PPP1R12A: variants seen among roughly 807,000 people sequenced by gnomAD.
PPP1R12A encodes myosin binding subunit.
A neutral mutation model predicts 139.6 loss-of-function variants in PPP1R12A; 19 were observed. The observed-to-expected ratio is 0.14, with a 90% CI of 0.09 to 0.20. The LOEUF is 0.20. Among genes scored for constraint, PPP1R12A ranks in the 10% least tolerant of loss-of-function variants. The pLI, the probability that PPP1R12A is intolerant of heterozygous loss-of-function variation, is 1.00. For synonymous variants in PPP1R12A, 427 were observed against 420.6 expected (o/e 1.02, Z -0.19); for missense variants, 925 against 1,211.5 (o/e 0.76, Z 3.51).
intron 14 of PPP1R12A, among the ~76,000 whole-genome samples, chr12:79,803,688 A>C (rs972866304): frequency 6.6e-6 from 1 of 152,186 alleles, no homozygotes; most frequent in Non-Finnish European, 1.5e-5. Flanking sequence ...AAACACAAAC[A>C]ATATCACTGC....
chr12:79,858,628 G>A (rs1460140227), intron 2 of PPP1R12A, among the ~76,000 whole-genome samples: 3 of 152,146 alleles, frequency 2.0e-5, no homozygotes, highest in South Asian at 4.1e-4. Context: ...CTGGGGGGAG[G>A]TGAGGTTCAA....
At chr12:79,865,343 C>A (rs1334606758) in intron 2 of PPP1R12A, among the ~76,000 whole-genome samples, 1 of 152,116 alleles carries the variant, frequency 6.6e-6, no homozygotes, top group Non-Finnish European at 1.5e-5. Flanking sequence ...CTATTTATGA[C>A]AAACCCACAG....
chr12:79,815,374 TAGTC>T (rs1439990999), intron 9 of PPP1R12A, among the ~76,000 whole-genome samples: 4 of 151,830 alleles, frequency 2.6e-5, no homozygotes, highest in Non-Finnish European at 5.9e-5. Flanking sequence ...AAAATATAAT[TAGTC>T]AGGTGTGGTG....
At chr12:79,830,018 G>T (rs1592680990) in intron 4 of PPP1R12A, among the ~76,000 whole-genome samples, 1 of 151,802 alleles carries the variant, frequency 6.6e-6, no homozygotes, top group Non-Finnish European at 1.5e-5. Flanking sequence ...GAGAAAATGT[G>T]AAGAAGGTTA....
chr12:79,805,431 G>A (rs998188818), intron 14 of PPP1R12A, among the ~76,000 whole-genome samples, 161 bp downstream of exon 14: 3 of 152,210 alleles, frequency 2.0e-5, no homozygotes, highest in South Asian at 4.1e-4. Flanking sequence ...ATAAATAATT[G>A]CTAGTTGTAT....
In PPP1R12A at chr12:79,934,866, C is replaced by A. The variant is rs1174014314; in HGVS notation, c.66G>T (p.Thr22=). 1 of 1,611,300 alleles carries A rather than the reference C, an allele frequency of 6.2e-7. No homozygotes were observed. The highest frequency in any genetic ancestry group is 2.2e-5 in the East Asian group (1 of 44,760). Reference sequence around the variant, plus strand: ...GCTTCACCACCGGAGGCTCGAGGTCCGTCTCGGAGCCGATCCAGCGTTTCA... The same window carrying A: ...GCTTCACCACCGGAGGCTCGAGGTCAGTCTCGGAGCCGATCCAGCGTTTCA... ...EQLKRWIGSE[T]DLEPPVVKRQ... The change falls in exon 1 of 25, where the codon ACG becomes ACT. Residue 22 remains threonine, a synonymous_variant. Transcript: ENST00000450142.
chr12:79,792,045 A>T (rs966363247), intron 19 of PPP1R12A, among the ~76,000 whole-genome samples: 2 of 152,158 alleles, frequency 1.3e-5, no homozygotes, highest in Admixed American at 6.5e-5. Flanking sequence ...CTTTCTGACT[A>T]TGGTATTGTA....
At chr12:79,909,675 A>C (rs562001052) in intron 1 of PPP1R12A, among the ~76,000 whole-genome samples, 2 of 151,238 alleles carry the variant, frequency 1.3e-5, no homozygotes, top group African/African-American at 4.9e-5. Flanking sequence ...TGGAGGCTGC[A>C]CTGAGCCGAG....
chr12:79,776,336 A>G (rs1451405911), intron 24 of PPP1R12A, among the ~76,000 whole-genome samples: 1 of 152,134 alleles, frequency 6.6e-6, no homozygotes, highest in Non-Finnish European at 1.5e-5. Flanking sequence ...TTGTTAGGAT[A>G]GGCTCTTAAA....
At chr12:79,880,701 A>G (rs1396718653) in intron 1 of PPP1R12A, among the ~76,000 whole-genome samples, 3 of 152,202 alleles carry the variant, frequency 2.0e-5, no homozygotes, top group African/African-American at 4.8e-5. Context: ...CACAGAAGCA[A>G]TAAGAAGAGG....
intron 1 of PPP1R12A, among the ~76,000 whole-genome samples, chr12:79,926,480 C>A (rs978058620): frequency 3.9e-5 from 6 of 152,200 alleles, no homozygotes; most frequent in African/African-American, 1.4e-4. Context: ...CGTGAGCCAC[C>A]ATACCCAGCC....
At chr12:79,812,717 T>G (rs902255920) in intron 9 of PPP1R12A, among the ~76,000 whole-genome samples, 1 of 152,078 alleles carries the variant, frequency 6.6e-6, no homozygotes, top group African/African-American at 2.4e-5. Flanking sequence ...GAACTATAAC[T>G]GAAAACTTGA....
At chr12:79,888,837 A>G (rs993775680) in intron 1 of PPP1R12A, among the ~76,000 whole-genome samples, 9 of 152,168 alleles carry the variant, frequency 5.9e-5, no homozygotes, top group Non-Finnish European at 1.3e-4. Context: ...TGTACCCCTA[A>G]CCAATAGGCT....
At chr12:79,793,700 T>G (rs1872164004) in intron 19 of PPP1R12A, 163 bp downstream of exon 19, 1 of 545,000 alleles carries the variant, frequency 1.8e-6, no homozygotes, top group East Asian at 3.3e-5. Context: ...CCCTTCCCAG[T>G]CCTTTTAATC....
At chr12:79,884,542 G>A (rs539931248) in intron 1 of PPP1R12A, among the ~76,000 whole-genome samples, 4 of 152,066 alleles carry the variant, frequency 2.6e-5, no homozygotes, top group Non-Finnish European at 5.9e-5. Flanking sequence ...GGCAAAGCAT[G>A]CCCATAAAAA....
chr12:79,876,545 A>G (rs1260221336), intron 1 of PPP1R12A, among the ~76,000 whole-genome samples: 1 of 152,196 alleles, frequency 6.6e-6, no homozygotes, highest in African/African-American at 2.4e-5. Flanking sequence ...TCTACACTTA[A>G]CACACTGCTT....
chr12:79,855,703 CA>C (rs369569087), intron 2 of PPP1R12A, among the ~76,000 whole-genome samples: 6 of 141,918 alleles, frequency 4.2e-5, no homozygotes, highest in African/African-American at 7.7e-5. Context: ...ATTATTTCTG[CA>C]AAAAAAAAAC....
chr12:79,833,514 A>G lies in PPP1R12A; in HGVS notation c.488-1023T>C, dbSNP rs577780052. Among the ~76,000 whole-genome samples the G allele has an allele frequency of 3.9e-4, 59 of 152,102 alleles. 1 individual carries two copies. The South Asian group carries it at 0.011, about 29-fold the overall frequency. On this transcript the variant is annotated intron_variant, in intron 3 of 24. Transcript: ENST00000450142. The stretch of plus-strand genomic sequence containing the variant: ...TCTTTTATCCCCACTGTCTGGTAGA[A>G]TACCTGATACAAAGCAAAGGGAGAT...
chr12:79,786,992 C>G (rs1229844071), intron 21 of PPP1R12A: 1 of 152,220 alleles, frequency 6.6e-6, no homozygotes, highest in Non-Finnish European at 1.5e-5. Flanking sequence ...CCAAGACCTT[C>G]CCCTTTTCTA....
Sources: allele counts gnomAD v4.1 joint callset (sites outside exome capture counted in the v4.1 genomes callset), GRCh38; gene constraint gnomAD v4.1.1; transcripts MANE v1.5; gene names NCBI Gene and HGNC (gene_info 2026-07-23, HGNC 2026-07-21).